Variants in ADAMTS5 observed in about 807,000 individuals in gnomAD.
ADAMTS5 encodes the protein ADAM metallopeptidase with thrombospondin type 1 motif 5, also known as A disintegrin and metalloproteinase with thrombospondin motifs 5.
Under a neutral mutation model 81.4 loss-of-function variants are expected in ADAMTS5, and 54 were observed. That is an observed-to-expected ratio of 0.66 (90% confidence interval 0.53 to 0.83). The LOEUF is 0.83. Among genes scored for constraint, ADAMTS5 ranks in the 40% least tolerant of loss-of-function variants. The probability of loss-of-function intolerance (pLI) is 0.00; values close to 1 mark genes in which losing one functional copy is unlikely to be tolerated. For missense variants in ADAMTS5, 1,194 were observed against 1,229.9 expected (o/e 0.97, Z 0.44); for synonymous variants, 532 against 508.8 (o/e 1.05, Z -0.61).
intron 2 of ADAMTS5, among the ~76,000 whole-genome samples, chr21:26,951,763 C>G (rs1223223571): frequency 7.2e-6 from 1 of 137,974 alleles, no homozygotes; most frequent in Non-Finnish European, 1.5e-5. Flanking sequence ...GAATTAGAAT[C>G]GAGAGCATGG....
intron 5 of ADAMTS5, 121 bp from the exon 6 acceptor site, chr21:26,932,300 T>C: frequency 1.0e-6 from 1 of 1,002,156 alleles, no homozygotes; most frequent in Non-Finnish European, 1.4e-6. Context: ...TCCCACAGTC[T>C]CTTTACTCAC....
chr21:26,948,724 AC>A (rs1354724721), intron 2 of ADAMTS5, among the ~76,000 whole-genome samples: 1 of 152,188 alleles, frequency 6.6e-6, no homozygotes, highest in African/African-American at 2.4e-5. Flanking sequence ...AGAAACTCTA[AC>A]TTTTTCACCT....
chr21:26,948,600 C>T (rs1987260170), intron 2 of ADAMTS5, among the ~76,000 whole-genome samples: 1 of 152,178 alleles, frequency 6.6e-6, no homozygotes, highest in Non-Finnish European at 1.5e-5. Flanking sequence ...TTGGATCATG[C>T]ATGCTTATTC....
At chr21:26,934,385 G>T in intron 4 of ADAMTS5, 81 bp downstream of exon 4, 1 of 1,527,492 alleles carries the variant, frequency 6.5e-7, no homozygotes, top group Non-Finnish European at 8.9e-7. Context: ...AAAGCCTTCT[G>T]AGAACAGTGC....
In ADAMTS5 at chr21:26,942,175, AT is replaced by A. The variant is rs1245621540; in HGVS notation, c.1405+1204del. On this transcript the variant is annotated intron_variant, in intron 3 of 7. Transcript: ENST00000284987. ...ATGGAGCAAGAATGGGTTAATGAAC[AT>A]ATTTTGACTCCATGGTATCAGAGAA... Among the ~76,000 whole-genome samples, 4 of 152,152 alleles carry A rather than the reference AT, an allele frequency of 2.6e-5. No individual in the cohort carries two copies. The East Asian group carries it at 7.7e-4, about 29-fold the overall frequency.
intron 5 of ADAMTS5, among the ~76,000 whole-genome samples, chr21:26,932,633 G>A (rs1163847610): frequency 6.6e-6 from 1 of 152,038 alleles, no homozygotes; most frequent in Non-Finnish European, 1.5e-5. Flanking sequence ...CCCAGGAGGT[G>A]GAGATTGCAG....
intron 2 of ADAMTS5, among the ~76,000 whole-genome samples, chr21:26,945,148 C>T (rs941457881): frequency 1.9e-5 from 2 of 104,928 alleles, no homozygotes; most frequent in African/African-American, 7.4e-5. Context: ...TCACAGCTCA[C>T]AGAAAAAAAA....
At chr21:26,952,748 C>T (rs78772063) in intron 2 of ADAMTS5, among the ~76,000 whole-genome samples, 4,236 of 152,284 alleles carry the variant, frequency 0.028, 124 homozygotes, top group African/African-American at 0.074. Context: ...ATAATTTCTC[C>T]GCTTGACCTG....
intron 1 of ADAMTS5, among the ~76,000 whole-genome samples, chr21:26,960,620 G>T (rs918005380): frequency 2.6e-5 from 4 of 152,172 alleles, no homozygotes; most frequent in African/African-American, 9.6e-5. Flanking sequence ...GCCCTCACTA[G>T]AAATCAAATT....
At chr21:26,928,267 T>C (rs1986839961) in intron 7 of ADAMTS5, among the ~76,000 whole-genome samples, 1 of 152,200 alleles carries the variant, frequency 6.6e-6, no homozygotes, top group African/African-American at 2.4e-5. Context: ...AATGTTCTTT[T>C]TCATAAATCA....
chr21:26,936,416 C>A (rs1987014750), intron 3 of ADAMTS5, among the ~76,000 whole-genome samples: 1 of 152,028 alleles, frequency 6.6e-6, no homozygotes, highest in Non-Finnish European at 1.5e-5. Context: ...TATTTAACAG[C>A]CTTTTAGATG....
intron 2 of ADAMTS5, among the ~76,000 whole-genome samples, chr21:26,950,143 TAG>T (rs1234349647): frequency 6.6e-6 from 1 of 152,216 alleles, no homozygotes; most frequent in Non-Finnish European, 1.5e-5. Flanking sequence ...TCTTTCACAG[TAG>T]AGAGATTCAC....
rs751169713 is a variant in ADAMTS5 at position 26,930,053 on chromosome 21, A to T, written c.2058T>A (p.Asp686Glu). The stretch of plus-strand genomic sequence containing the variant: ...TACTGTACAGCCTACATTCAGTGCC[A>T]TCGGTCACCTGAATCATGGCAAATG... ...YYVVFSPKVT[D>E]GTECRLYSNS... Residue 686 changes from aspartate (D) to glutamate (E), a missense_variant, in exon 7 of 8, where the codon GAT becomes GAA. Asp to Glu is a conservative substitution (Grantham distance 45). Around this residue, in one of 2 missense-constraint regions of ADAMTS5, gnomAD observed 696 missense variants for 817.6 expected, o/e 0.85. Coordinates refer to ENST00000284987, the MANE Select transcript of ADAMTS5 (RefSeq NM_007038.5). 1 of 1,613,638 alleles carries T rather than the reference A, an allele frequency of 6.2e-7. No individual in the cohort carries two copies. Among genetic ancestry groups the T allele is most frequent in the African/African-American group, 1.3e-5 (1 of 74,886 alleles).
chr21:26,948,344 T>C (rs1357897169), intron 2 of ADAMTS5, among the ~76,000 whole-genome samples: 1 of 152,210 alleles, frequency 6.6e-6, no homozygotes, highest in Non-Finnish European at 1.5e-5. Flanking sequence ...AACTGACCAA[T>C]GGTCAAGGGG....
Position 26,965,924 on chromosome 21 carries a change from G to A in ADAMTS5, c.468C>T (p.Phe156=), listed in dbSNP as rs781071406. 2 of 1,613,846 alleles carry A rather than the reference G, an allele frequency of 1.2e-6. No homozygotes were observed. Among genetic ancestry groups the A allele is most frequent in the South Asian group, 1.1e-5 (1 of 91,070 alleles). ...FDLCGGLDGF[F]AVKHARYTLK... ...GGGTGTAGCGCGCGTGCTTGACCGC[G>A]AAGAAGCCGTCGAGACCCCCACAGA... Residue 156 remains phenylalanine (F), a synonymous_variant, in exon 1 of 8, where the codon TTC becomes TTT. Coordinates refer to ENST00000284987, the MANE Select transcript of ADAMTS5 (RefSeq NM_007038.5).
chr21:26,941,199 G>A (rs1987108081), intron 3 of ADAMTS5, among the ~76,000 whole-genome samples: 1 of 151,944 alleles, frequency 6.6e-6, no homozygotes, highest in Non-Finnish European at 1.5e-5. Flanking sequence ...TAGATTGGAT[G>A]AAAAAAATCA....
intron 5 of ADAMTS5, among the ~76,000 whole-genome samples, chr21:26,932,397 AAAAATCAC>A (rs781029549): frequency 2.2e-4 from 33 of 152,126 alleles, no homozygotes; most frequent in Non-Finnish European, 3.7e-4. Context: ...AATAAAACTT[AAAAATCAC>A]ATATGTGGCT....
chr21:26,940,477 C>T (rs1987093112), intron 3 of ADAMTS5, among the ~76,000 whole-genome samples: 2 of 152,070 alleles, frequency 1.3e-5, no homozygotes, highest in Admixed American at 6.6e-5. Context: ...ACCACTGTGC[C>T]TTTCATGTTT....
Position 26,924,569 on chromosome 21 carries a change from T to A in ADAMTS5, c.2277A>T (p.Lys759Asn). ...VRIPEGATHI[K>N]VRQFKAKDQT... ...GGTCTTTGGCTTTGAACTGTCGAACTTTTATGTGGGTTGCCCCTTCAGGAA... is the reference window on the plus strand; with the variant it reads ...GGTCTTTGGCTTTGAACTGTCGAACATTTATGTGGGTTGCCCCTTCAGGAA... Residue 759 changes from lysine to asparagine, a missense_variant, in exon 8 of 8, where the codon AAA becomes AAT. By Grantham distance (94) the Lys-to-Asn change is moderately conservative (BLOSUM62 0). Around this residue, in one of 2 missense-constraint regions of ADAMTS5, gnomAD observed 696 missense variants for 817.6 expected, o/e 0.85. Transcript: ENST00000284987. 6.2e-7 allele frequency: 1 copy of A among 1,614,086 alleles called. No individual in the cohort carries two copies. Among genetic ancestry groups the A allele is most frequent in the Non-Finnish European group, 8.5e-7 (1 of 1,179,996 alleles).
Sources: gnomAD v4.1 joint callset for allele counts (sites outside exome capture counted in the v4.1 genomes callset) on GRCh38, gnomAD v4.1.1 for gene constraint, gnomAD v4.1.1 regional missense constraint, MANE v1.5 for transcripts, NCBI Gene and HGNC (gene_info 2026-07-23, HGNC 2026-07-21) for gene names.